The following REC114 variants were observed in gnomAD, a reference collection of about 807,000 sequenced individuals.
REC114 encodes meiotic recombination protein REC114.
In REC114, 27 loss-of-function variants were observed where a neutral mutation model predicts 31.3. The observed-to-expected ratio is 0.86, with a 90% CI of 0.64 to 1.19. The LOEUF (loss-of-function observed/expected upper bound fraction) is 1.19, where lower values mean the gene tolerates loss of function less well. Ranked by LOEUF, REC114 falls within the 50% of genes most tolerant of loss-of-function variation. The pLI is 0.00. For missense variants in REC114, 344 were observed against 326.9 expected (o/e 1.05, Z -0.40); for synonymous variants, 134 against 127.7 (o/e 1.05, Z -0.33).
intron 1 of REC114, among the ~76,000 whole-genome samples, chr15:73,453,621 A>G (rs948800965): frequency 4.9e-4 from 74 of 152,346 alleles, no homozygotes; most frequent in African/African-American, 1.8e-3. Flanking sequence ...ATTGCTGGGT[A>G]TATACCCAAA....
intron 2 of REC114, among the ~76,000 whole-genome samples, chr15:73,482,602 G>A (rs1567863811): frequency 6.6e-6 from 1 of 152,174 alleles, no homozygotes; most frequent in Non-Finnish European, 1.5e-5. Context: ...TACAGTATTT[G>A]TCATTTTGGA....
intron 1 of REC114, among the ~76,000 whole-genome samples, chr15:73,471,900 C>T (rs1893138296): frequency 6.6e-6 from 1 of 152,086 alleles, no homozygotes; most frequent in South Asian, 2.1e-4. Flanking sequence ...TATGATTCCA[C>T]TCATATAATT....
intron 2 of REC114, among the ~76,000 whole-genome samples, chr15:73,519,902 T>C (rs149447604): frequency 1.4e-4 from 22 of 152,326 alleles, no homozygotes; most frequent in Non-Finnish European, 2.9e-4. Context: ...ATTCCTCTTA[T>C]ATGAGATGTC....
intron 5 of REC114, among the ~76,000 whole-genome samples, chr15:73,558,692 C>T (rs1029981778): frequency 1.3e-5 from 2 of 152,138 alleles, no homozygotes; most frequent in Non-Finnish European, 2.9e-5. Flanking sequence ...GCAACTACAA[C>T]TCTCATCTAC....
chr15:73,496,243 TC>T (rs1395577446), intron 2 of REC114, among the ~76,000 whole-genome samples: 1 of 147,430 alleles, frequency 6.8e-6, no homozygotes. Context: ...TCCCAGCTAC[TC>T]GGGAGGCTGA....
intron 1 of REC114, among the ~76,000 whole-genome samples, chr15:73,445,545 T>TG (rs201049581): frequency 0.011 from 1,733 of 152,320 alleles, 30 homozygotes; most frequent in African/African-American, 0.04. Context: ...CATGCCTTCC[T>TG]CACTAAGCTT....
chr15:73,492,048 A>G (rs1893454740), intron 2 of REC114, among the ~76,000 whole-genome samples: 2 of 152,084 alleles, frequency 1.3e-5, no homozygotes, highest in African/African-American at 4.8e-5. Context: ...TGTCATTGTC[A>G]TTTAGTTCTC....
At position 73,473,869 on chromosome 15, in the gene REC114, T is replaced by C. The variant is rs1483411390; in HGVS notation, c.197T>C (p.Leu66Pro). The C allele has an allele frequency of 1.3e-6, 2 of 1,587,806 alleles. No individual in the cohort carries two copies. The highest frequency in any genetic ancestry group is 2.3e-5 in the South Asian group (2 of 87,446). ...AATGAAGAATCTGGATATCTTGTTC[T>C]CACCATAGTTATATCAGGTCATTTC... ...DSNEESGYLVLTIVISGHFFI... is the reference protein window; with the variant it reads ...DSNEESGYLVPTIVISGHFFI... The change falls in exon 2 of 6, where the codon CTC becomes CCC. Residue 66 changes from leucine to proline, a missense_variant. Leu to Pro is a moderately conservative substitution (Grantham distance 98). Coordinates refer to ENST00000331090, the MANE Select transcript of REC114 (RefSeq NM_001042367.2).
chr15:73,544,317 G>C (rs1454748704), intron 3 of REC114, among the ~76,000 whole-genome samples: 2 of 152,250 alleles, frequency 1.3e-5, no homozygotes, highest in South Asian at 4.1e-4. Context: ...CTGGCAAAGA[G>C]TATCTGATGC....
At chr15:73,511,219 G>T (rs961424766) in intron 2 of REC114, among the ~76,000 whole-genome samples, 4 of 152,156 alleles carry the variant, frequency 2.6e-5, no homozygotes, top group Non-Finnish European at 5.9e-5. Context: ...AGATTTTCTA[G>T]TTTATTTGCG....
intron 2 of REC114, among the ~76,000 whole-genome samples, chr15:73,523,865 T>C (rs918695520): frequency 2.6e-5 from 4 of 152,218 alleles, no homozygotes; most frequent in East Asian, 1.9e-4. Context: ...AATCTTTGTG[T>C]ATGATGTGAG....
rs1340839316 is a variant in REC114, at chr15:73,559,681, T to C, written c.637-71T>C. On this transcript the variant is annotated intron_variant, in intron 5 of 5. Coordinates refer to ENST00000331090, the MANE Select transcript of REC114 (RefSeq NM_001042367.2). ...CGCTAATCTTTCCTTAAAGCACTATTTGCCTGTGTTCTATTAGCCAGGTAT... is the reference window on the plus strand; with the variant it reads ...CGCTAATCTTTCCTTAAAGCACTATCTGCCTGTGTTCTATTAGCCAGGTAT... 2.2e-6 allele frequency: 3 copies of C among 1,379,350 alleles called. No homozygotes were observed. The East Asian group carries it at 7.7e-5, about 36-fold the overall frequency. 85.4% of individuals were successfully genotyped at this position (1,379,350 alleles called of 1,614,324 possible).
At chr15:73,504,029 G>A (rs931388646) in intron 2 of REC114, among the ~76,000 whole-genome samples, 9 of 125,076 alleles carry the variant, frequency 7.2e-5, no homozygotes, top group African/African-American at 2.8e-4. Context: ...TTTTTGAGAT[G>A]GGAGTCTTGC....
At chr15:73,516,783 A>AT (rs1392889704) in intron 2 of REC114, among the ~76,000 whole-genome samples, 2 of 152,100 alleles carry the variant, frequency 1.3e-5, no homozygotes, top group Non-Finnish European at 2.9e-5. Context: ...TCCTGCCACC[A>AT]TGCCAGGCCT....
intron 4 of REC114, 134 bp from the exon 5 acceptor site, chr15:73,556,168 C>G: frequency 1.4e-6 from 1 of 726,062 alleles, no homozygotes; most frequent in Non-Finnish European, 2.2e-6. Context: ...CAGACCTATG[C>G]TGACAACCAT....
At chr15:73,445,251 C>T (rs1013995887) in intron 1 of REC114, among the ~76,000 whole-genome samples, 1 of 152,216 alleles carries the variant, frequency 6.6e-6, no homozygotes, top group African/African-American at 2.4e-5. Flanking sequence ...GACTTCTCCT[C>T]TTTAGCTATG....
chr15:73,467,277 C>T (rs1008095335), intron 1 of REC114, among the ~76,000 whole-genome samples: 2 of 152,182 alleles, frequency 1.3e-5, no homozygotes, highest in African/African-American at 2.4e-5. Context: ...GAATTACTGG[C>T]ACATGGTGGT....
intron 1 of REC114, among the ~76,000 whole-genome samples, chr15:73,454,748 C>T (rs776395884): frequency 6.6e-6 from 1 of 152,176 alleles, no homozygotes; most frequent in Non-Finnish European, 1.5e-5. Flanking sequence ...TTTGAGACTG[C>T]TCCACAGGTT....
intron 2 of REC114, among the ~76,000 whole-genome samples, chr15:73,531,296 A>G (rs1478452923): frequency 6.6e-6 from 1 of 152,104 alleles, no homozygotes; most frequent in Non-Finnish European, 1.5e-5. Context: ...CCATCTTTGG[A>G]CTTCAGATTG....
Sources: gnomAD v4.1 joint callset for allele counts (sites outside exome capture counted in the v4.1 genomes callset) on GRCh38, gnomAD v4.1.1 for gene constraint, MANE v1.5 for transcripts, NCBI Gene and HGNC (gene_info 2026-07-23, HGNC 2026-07-21) for gene names.